Variants in PDLIM5 observed in about 807,000 individuals in gnomAD.
PDLIM5 encodes PDZ and LIM domain 5.
PDLIM5 carries 34 observed loss-of-function variants against 64.2 expected under a neutral mutation model. That is an observed-to-expected ratio of 0.53 (90% CI 0.40 to 0.71). The LOEUF (loss-of-function observed/expected upper bound fraction) is 0.71. Among genes scored for constraint, PDLIM5 ranks in the 30% least tolerant of loss-of-function variants. PDLIM5 has a pLI of 0.00. For missense variants in PDLIM5, 683 were observed against 733.6 expected (o/e 0.93, Z 0.80); for synonymous variants, 253 against 269.1 (o/e 0.94, Z 0.59).
chr4:94,494,730 G>A (rs867077129), intron 2 of PDLIM5, among the ~76,000 whole-genome samples: 3 of 151,190 alleles, frequency 2.0e-5, no homozygotes, highest in Admixed American at 6.6e-5. Flanking sequence ...GTGAGCCACC[G>A]TGCCTGACCA....
At chr4:94,527,009 ACAG>A (rs1730422237) in intron 3 of PDLIM5, among the ~76,000 whole-genome samples, 1 of 144,906 alleles carries the variant, frequency 6.9e-6, no homozygotes, top group Non-Finnish European at 1.5e-5. Flanking sequence ...TGCTGGAATT[ACAG>A]GCATGAGCCA....
chr4:94,573,321 T>C (rs770577943), intron 3 of PDLIM5, 30 bp from the exon 4 acceptor site: 129 of 1,588,046 alleles, frequency 8.1e-5, no homozygotes, highest in Non-Finnish European at 1.1e-4. Flanking sequence ...TCATTATTTT[T>C]TTTTTCTTTT....
At chr4:94,541,837 C>T (rs898392565) in intron 3 of PDLIM5, among the ~76,000 whole-genome samples, 6 of 152,320 alleles carry the variant, frequency 3.9e-5, no homozygotes, top group East Asian at 3.9e-4. Flanking sequence ...GTCACATTTA[C>T]TGATGGATGG....
At chr4:94,464,528 C>A (rs1724175670) in intron 2 of PDLIM5, among the ~76,000 whole-genome samples, 1 of 152,180 alleles carries the variant, frequency 6.6e-6, no homozygotes, top group South Asian at 2.1e-4. Context: ...AAGTATTTTT[C>A]TTCTGAGAAA....
intron 3 of PDLIM5, among the ~76,000 whole-genome samples, chr4:94,567,778 A>G (rs999023539): frequency 6.6e-6 from 1 of 152,210 alleles, no homozygotes; most frequent in African/African-American, 2.4e-5. Flanking sequence ...AGTGCTGACT[A>G]GCAGAGTTAC....
intron 3 of PDLIM5, among the ~76,000 whole-genome samples, chr4:94,548,758 CAG>C (rs1732538382): frequency 6.6e-6 from 1 of 152,128 alleles, no homozygotes; most frequent in African/African-American, 2.4e-5. Flanking sequence ...GTATAGTTCA[CAG>C]ATAAATTGGT....
At chr4:94,617,639 G>C (rs1738884723) in intron 7 of PDLIM5, among the ~76,000 whole-genome samples, 1 of 112,100 alleles carries the variant, frequency 8.9e-6, no homozygotes, top group South Asian at 3.1e-4. Context: ...AGACCCCTGT[G>C]TCTACAAAAA....
chr4:94,463,029 C>T (rs1216356142), intron 2 of PDLIM5, among the ~76,000 whole-genome samples: 1 of 152,306 alleles, frequency 6.6e-6, no homozygotes, highest in South Asian at 2.1e-4. Context: ...TCGTCCAGAG[C>T]TTTTGTTAGT....
rs1164894976 is a variant in PDLIM5 at position 94,665,129 on chromosome 4, G to A, written c.*1062G>A. On this transcript the variant is annotated 3_prime_UTR_variant, in exon 13 of 13. Transcript: ENST00000317968. ...GGCAAATTCCATTTTTTTCCCTTGT[G>A]CTAAGGTAAAGATTTAATTAAATAA... 5 of 949,678 alleles carry A rather than the reference G, an allele frequency of 5.3e-6. No individual in the cohort carries two copies. Among genetic ancestry groups the A allele is most frequent in the African/African-American group, 1.8e-5 (1 of 56,382 alleles). The allele number at this position is 949,678 out of a possible 1,614,324, so 58.8% of individuals were successfully genotyped here. A position where few individuals can be genotyped will look rare whatever the true frequency, so the allele number is the denominator to read the frequency against.
intron 2 of PDLIM5, among the ~76,000 whole-genome samples, chr4:94,489,296 G>A (rs1428782784): frequency 6.6e-6 from 1 of 152,018 alleles, no homozygotes; most frequent in Non-Finnish European, 1.5e-5. Flanking sequence ...ACAGGGTGTG[G>A]GAATGCTTGA....
chr4:94,657,889 A>G (rs1742335983), intron 11 of PDLIM5, among the ~76,000 whole-genome samples: 2 of 152,226 alleles, frequency 1.3e-5, no homozygotes, highest in South Asian at 4.2e-4. Flanking sequence ...TATTTTTAGT[A>G]GAGACAGGGT....
At chr4:94,550,801 A>G (rs1420637595) in intron 3 of PDLIM5, among the ~76,000 whole-genome samples, 3 of 152,186 alleles carry the variant, frequency 2.0e-5, no homozygotes, top group Admixed American at 1.3e-4. Context: ...ATTACTTATC[A>G]TAGAATTTTG....
intron 2 of PDLIM5, among the ~76,000 whole-genome samples, chr4:94,460,702 C>T (rs1723802808): frequency 6.6e-6 from 1 of 151,666 alleles, no homozygotes; most frequent in Non-Finnish European, 1.5e-5. Context: ...TATTCATCTA[C>T]TCGTGAGTTA....
intron 10 of PDLIM5, among the ~76,000 whole-genome samples, chr4:94,656,501 G>A (rs1454884365): frequency 6.6e-6 from 1 of 151,236 alleles, no homozygotes; most frequent in Non-Finnish European, 1.5e-5. Context: ...ATTTCCAAAA[G>A]CCTAAACACG....
chr4:94,587,827 A>C lies in PDLIM5; in HGVS notation c.920+1383A>C, dbSNP rs1488676917. The C allele has an allele frequency of 5.9e-6, 5 of 845,396 alleles. No individual in the cohort carries two copies. The East Asian group carries it at 6.2e-4, about 104-fold the overall frequency. The allele number at this position is 845,396 out of a possible 1,614,324, so 52.4% of individuals were successfully genotyped here. On this transcript the variant is annotated intron_variant, in intron 7 of 12. Transcript: ENST00000317968. ...TATTTTTAGAATATAGACAATTTCT[A>C]GGTATTAACTAATAAGATATGGAAA... is the stretch of plus-strand genomic sequence containing the variant.
intron 2 of PDLIM5, among the ~76,000 whole-genome samples, chr4:94,498,031 A>G (rs898187113): frequency 5.9e-5 from 9 of 152,142 alleles, no homozygotes; most frequent in Admixed American, 3.9e-4. Context: ...CAAAAGAGTT[A>G]TTTTCTCACT....
chr4:94,574,753 G>A (rs542644055), intron 4 of PDLIM5, among the ~76,000 whole-genome samples: 1 of 152,084 alleles, frequency 6.6e-6, no homozygotes, highest in African/African-American at 2.4e-5. Context: ...ATAAGGATTG[G>A]CAAATAAAAA....
At chr4:94,589,705 C>CCTTT (rs58096104) in intron 7 of PDLIM5, among the ~76,000 whole-genome samples, 29,910 of 151,274 alleles carry the variant, frequency 0.2, 3,082 homozygotes, top group African/African-American at 0.22. Flanking sequence ...ATGTTTTCAA[C>CCTTT]CTTTCTTTCT....
chr4:94,583,268 AGGGGTAGTGT>A, intron 5 of PDLIM5, among the ~76,000 whole-genome samples: 1 of 152,136 alleles, frequency 6.6e-6, no homozygotes, highest in Non-Finnish European at 1.5e-5. Flanking sequence ...AAAGAATCTA[AGGGGTAGTGT>A]ACTTTTTACA....
Sources: gnomAD v4.1 joint callset for allele counts (sites outside exome capture counted in the v4.1 genomes callset) on GRCh38, gnomAD v4.1.1 for gene constraint, MANE v1.5 for transcripts, NCBI Gene and HGNC (gene_info 2026-07-23, HGNC 2026-07-21) for gene names.